IRAG2: variants seen among roughly 807,000 people sequenced by gnomAD.
IRAG2 encodes lymphoid restricted membrane protein.
Under a neutral mutation model 69.9 loss-of-function variants are expected in IRAG2, and 45 were observed. The observed-to-expected ratio is 0.64, with a 90% confidence interval of 0.51 to 0.83. The LOEUF is 0.83. Among genes scored for constraint, IRAG2 ranks in the 40% least tolerant of loss-of-function variants. The probability of loss-of-function intolerance (pLI) is 0.00; values close to 1 mark genes in which losing one functional copy is unlikely to be tolerated. For missense variants in IRAG2, 520 were observed against 587.0 expected (o/e 0.89, Z 1.18); for synonymous variants, 193 against 202.4 (o/e 0.95, Z 0.40).
intron 7 of IRAG2, chr12:25,021,091 C>CTTTTTTTTTTTTTTTTTTTTTTCT (rs71063389): frequency 2.3e-5 from 6 of 266,012 alleles, no homozygotes; most frequent in South Asian, 1.8e-4. Flanking sequence ...TCTTTCTTTT[C>CTTTTTTTTTTTTTTTTTTTTTTCT]TTTTTTTTTT....
chr12:25,095,662 G>T (rs1948371983), intron 14 of IRAG2, among the ~76,000 whole-genome samples: 1 of 152,150 alleles, frequency 6.6e-6, no homozygotes, highest in Non-Finnish European at 1.5e-5. Flanking sequence ...TTCATAGAAT[G>T]AGCTTGGAAG....
intron 1 of IRAG2, among the ~76,000 whole-genome samples, chr12:25,053,324 G>A (rs373175187): frequency 2.6e-5 from 4 of 151,260 alleles, no homozygotes; most frequent in Non-Finnish European, 4.4e-5. Flanking sequence ...GATTTTATTA[G>A]CTAGTTTTTT....
intron 1 of IRAG2, among the ~76,000 whole-genome samples, chr12:25,060,482 C>T (rs967479005): frequency 1.2e-4 from 19 of 152,070 alleles, no homozygotes; most frequent in African/African-American, 4.3e-4. Flanking sequence ...TGAGTCTAAT[C>T]TCAGCTCCAT....
Position 25,015,371 on chromosome 12 carries a change from C to A in IRAG2, c.998C>A (p.Thr333Lys), listed in dbSNP as rs144079813. 582 of 1,231,888 alleles carry A rather than the reference C, an allele frequency of 4.7e-4. 1 individual carries two copies. In the African/African-American group the frequency reaches 8.2e-3, roughly 17 times the overall value. The allele number at this position is 1,231,888 out of a possible 1,614,324, so 76.3% of individuals were successfully genotyped here. Reference sequence around the variant, plus strand: ...TCAGTGAAGATGAGCACAGATATAACAGATTCTACATTGGGGAGCTTCGAG... The same window carrying A: ...TCAGTGAAGATGAGCACAGATATAAAAGATTCTACATTGGGGAGCTTCGAG... Residue 333 changes from threonine to lysine, a missense_variant, in exon 5 of 39, where the codon ACA becomes AAA. Thr to Lys is a moderately conservative substitution (Grantham distance 78). Transcript: ENST00000636465.
chr12:25,104,462 AGTAG>A lies in IRAG2; in HGVS notation c.1148+3_1148+6del, dbSNP rs764041422. 2 of 1,568,120 alleles carry A rather than the reference AGTAG, an allele frequency of 1.3e-6. No individual in the cohort carries two copies. The highest frequency in any genetic ancestry group is 1.8e-6 in the Non-Finnish European group (2 of 1,138,110). ...GCTGAAGAAGAAAAATGTGAACTAA[AGTAG>A]GTGAAGCTCAGTGTGTTTATTAACC... On this transcript the variant is annotated splice_donor_variant and splice_donor_region_variant and intron_variant, in intron 20 of 21. Coordinates refer to ENST00000556887, the MANE Select transcript of IRAG2 (RefSeq NM_001366544.2). LOFTEE classifies it high-confidence loss of function.
intron 10 of IRAG2, among the ~76,000 whole-genome samples, chr12:25,031,981 C>T (rs1027739587): frequency 6.6e-6 from 1 of 152,106 alleles, no homozygotes; most frequent in Non-Finnish European, 1.5e-5. Flanking sequence ...TGTTTTTAAT[C>T]GCAAAACACC....
At position 25,056,272 on chromosome 12, in the gene IRAG2, G is replaced by A. The variant is rs185830638; in HGVS notation, c.-447+3316G>A. Among the ~76,000 whole-genome samples, 4 of 152,256 alleles carry A rather than the reference G, an allele frequency of 2.6e-5. No individual in the cohort carries two copies. The East Asian group carries it at 7.7e-4, about 29-fold the overall frequency. ...CAAAGAAGGCGGGTGAAGGGATCCA[G>A]GTGATTGAGATACTTAAAGATAGAA... On this transcript the variant is annotated intron_variant, in intron 1 of 21. Transcript: ENST00000556887.
upstream of IRAG2, among the ~76,000 whole-genome samples, chr12:25,003,180 G>T (rs1384700956): frequency 6.6e-6 from 1 of 151,268 alleles, no homozygotes; most frequent in African/African-American, 2.4e-5. Flanking sequence ...CTGTATTATT[G>T]TTCATTCTCT....
At chr12:25,041,854 C>T (rs1204776158) in intron 16 of IRAG2, among the ~76,000 whole-genome samples, 1 of 132,184 alleles carries the variant, frequency 7.6e-6, no homozygotes, top group African/African-American at 2.7e-5. Context: ...ATTCTGATAT[C>T]AACTTACTGG....
chr12:25,046,448 T>C (rs550144281), intron 16 of IRAG2, among the ~76,000 whole-genome samples: 1 of 152,198 alleles, frequency 6.6e-6, no homozygotes, highest in South Asian at 2.1e-4. Flanking sequence ...TATAGAAAAC[T>C]CTAATGATTT....
chr12:25,039,256 C>A (rs1944727660), intron 16 of IRAG2, among the ~76,000 whole-genome samples: 1 of 152,050 alleles, frequency 6.6e-6, no homozygotes, highest in South Asian at 2.1e-4. Context: ...TTATTCCCCC[C>A]AAATATAAGG....
At chr12:24,998,193 T>C in the IRAG2 span, among the ~76,000 whole-genome samples, 22,081 of 152,184 alleles carry the variant, frequency 0.15, 1,797 homozygotes, top group Non-Finnish European at 0.19. Flanking sequence ...ATTTTAGGAA[T>C]TGTTCCAATA....
chr12:25,015,109 A>T, intron 3 of IRAG2: 1 of 429,068 alleles, frequency 2.3e-6, no homozygotes, highest in East Asian at 1.1e-4. Flanking sequence ...AAAAAAAAAA[A>T]AAAGACAAAA....
At position 25,101,410 on chromosome 12, in the gene IRAG2, A is replaced by G. The variant is rs116194371; in HGVS notation, c.889+85A>G. The G allele has an allele frequency of 7.0e-4, 627 of 900,448 alleles. 4 individuals carry two copies. In the African/African-American group the frequency reaches 9.9e-3, roughly 14 times the overall value. 55.8% of individuals were successfully genotyped at this position (900,448 alleles called of 1,614,324 possible). Reference sequence around the variant, plus strand: ...CTAAGTCTTATTATTACTTCAGTATAATAAAACTCTTAGGTTAACTTTATA... The same window carrying G: ...CTAAGTCTTATTATTACTTCAGTATGATAAAACTCTTAGGTTAACTTTATA... On this transcript the variant is annotated intron_variant, in intron 16 of 21. Transcript: ENST00000556887.
intron 16 of IRAG2, among the ~76,000 whole-genome samples, chr12:25,043,971 A>G (rs1944771251): frequency 6.6e-6 from 1 of 152,226 alleles, no homozygotes; most frequent in African/African-American, 2.4e-5. Context: ...CAAAGTAAGA[A>G]TTTTAACAAA....
intron 10 of IRAG2, among the ~76,000 whole-genome samples, chr12:25,086,981 G>A (rs914792606): frequency 1.3e-5 from 2 of 151,848 alleles, no homozygotes; most frequent in African/African-American, 4.8e-5. Flanking sequence ...AGCCATCTTT[G>A]TCACAATTTC....
intron 4 of IRAG2, among the ~76,000 whole-genome samples, chr12:25,065,307 G>A (rs1161516743): frequency 6.6e-6 from 1 of 152,206 alleles, no homozygotes; most frequent in African/African-American, 2.4e-5. Context: ...GAGGCTCAGA[G>A]TGGCTTAGTT....
At chr12:25,103,687 T>C in intron 17 of IRAG2, 150 bp from the exon 18 acceptor site, 1 of 564,146 alleles carries the variant, frequency 1.8e-6, no homozygotes, top group Non-Finnish European at 3.1e-6. Context: ...GGAAGACAAT[T>C]TGGCCACAAG....
intron 2 of IRAG2, among the ~76,000 whole-genome samples, chr12:25,007,971 G>A (rs1419039446): frequency 6.6e-6 from 1 of 152,008 alleles, no homozygotes; most frequent in African/African-American, 2.4e-5. Flanking sequence ...TTTTATGGGG[G>A]CAAGAATTCT....
Sources: gnomAD v4.1 joint callset for allele counts (sites outside exome capture counted in the v4.1 genomes callset) on GRCh38, gnomAD v4.1.1 for gene constraint, MANE v1.5 for transcripts, NCBI Gene and HGNC (gene_info 2026-07-23, HGNC 2026-07-21) for gene names.